The following RAB10 variants were observed in gnomAD, a reference collection of about 807,000 sequenced individuals.
RAB10 encodes ras-related protein Rab-10.
RAB10 carries 5 observed loss-of-function variants against 25.7 expected under a neutral mutation model. The observed-to-expected ratio is 0.19, with a 90% confidence interval of 0.10 to 0.41. RAB10 has a LOEUF of 0.41. Ranked by LOEUF, RAB10 falls within the 10% of genes least tolerant of loss-of-function variation. RAB10 has a pLI of 1.00. For missense variants in RAB10, 103 were observed against 245.8 expected (o/e 0.42, Z 3.89); for synonymous variants, 89 against 86.4 (o/e 1.03, Z -0.16).
chr2:26,120,017 A>T (rs1187882858), intron 3 of RAB10, among the ~76,000 whole-genome samples: 1 of 152,220 alleles, frequency 6.6e-6, no homozygotes, highest in Non-Finnish European at 1.5e-5. Flanking sequence ...CTTAACACTT[A>T]TAAATTTATA....
intron 1 of RAB10, among the ~76,000 whole-genome samples, chr2:26,060,802 T>TA (rs1449292723): frequency 6.6e-6 from 1 of 152,200 alleles, no homozygotes; most frequent in Non-Finnish European, 1.5e-5. Context: ...TATTTTCTTT[T>TA]AAAAAAGTAA....
At chr2:26,070,787 C>T (rs997491535) in intron 1 of RAB10, among the ~76,000 whole-genome samples, 4 of 152,078 alleles carry the variant, frequency 2.6e-5, no homozygotes, top group African/African-American at 7.2e-5. Context: ...AGAAGCATCC[C>T]ATTGTATGGC....
chr2:26,095,293 G>C (rs1260934299), intron 1 of RAB10, among the ~76,000 whole-genome samples: 1 of 152,038 alleles, frequency 6.6e-6, no homozygotes, highest in Non-Finnish European at 1.5e-5. Context: ...CTTTCATCGT[G>C]TTCTCAGTAT....
intron 1 of RAB10, among the ~76,000 whole-genome samples, chr2:26,093,584 T>A (rs900369698): frequency 6.6e-6 from 1 of 152,190 alleles, no homozygotes; most frequent in Non-Finnish European, 1.5e-5. Context: ...TTGTGTTTGT[T>A]CCACAGGAGC....
intron 1 of RAB10, among the ~76,000 whole-genome samples, chr2:26,095,018 C>T (rs1411018481): frequency 6.6e-6 from 1 of 152,118 alleles, no homozygotes; most frequent in African/African-American, 2.4e-5. Flanking sequence ...TTGTGGGAAT[C>T]CTGTAGGGTC....
chr2:26,108,875 C>CTT (rs1559595344), intron 2 of RAB10, among the ~76,000 whole-genome samples: 48 of 132,628 alleles, frequency 3.6e-4, no homozygotes, highest in Middle Eastern at 7.2e-3. Context: ...GGGTCTTTTG[C>CTT]TTTATATTTA....
intron 2 of RAB10, among the ~76,000 whole-genome samples, chr2:26,100,327 C>T (rs1667316711): frequency 6.6e-6 from 1 of 152,124 alleles, no homozygotes; most frequent in African/African-American, 2.4e-5. Flanking sequence ...CTCTCTTATC[C>T]TCTGCCATTA....
chr2:26,051,634 G>A (rs1574528317), intron 1 of RAB10, among the ~76,000 whole-genome samples: 1 of 150,958 alleles, frequency 6.6e-6, no homozygotes, highest in South Asian at 2.1e-4. Flanking sequence ...AGTGCCTGTA[G>A]TCCCAGCTAC....
At position 26,137,034 on chromosome 2, in the gene RAB10, C is replaced by A. The variant is rs1275810777; in HGVS notation, c.*2013C>A. 1.3e-5 allele frequency: 2 copies of A among 152,336 alleles called. No homozygotes were observed. Among genetic ancestry groups the A allele is most frequent in the Admixed American group, 6.6e-5 (1 of 15,242 alleles). 9.4% of individuals were successfully genotyped at this position (152,336 alleles called of 1,614,324 possible). A position where few individuals can be genotyped will look rare whatever the true frequency, so the allele number is the denominator to read the frequency against. On this transcript the variant is annotated 3_prime_UTR_variant, in exon 6 of 6. Transcript: ENST00000264710. ...GTGGCATTAGCTTTTTTATTTTAAC[C>A]CTCTTTAATTCTTATTCAATTCCAT...
intron 1 of RAB10, among the ~76,000 whole-genome samples, chr2:26,095,912 AAAAAC>A (rs1165881319): frequency 2.6e-5 from 4 of 152,194 alleles, no homozygotes; most frequent in African/African-American, 7.2e-5. Context: ...CCAGTCTCCA[AAAAAC>A]AAAACAGAAC....
intron 1 of RAB10, among the ~76,000 whole-genome samples, chr2:26,093,832 A>C (rs1667156992): frequency 6.6e-6 from 1 of 152,220 alleles, no homozygotes. Context: ...AATCTCAATA[A>C]AAGGACATCT....
intron 1 of RAB10, among the ~76,000 whole-genome samples, chr2:26,048,142 T>C (rs1666056666): frequency 6.6e-6 from 1 of 152,130 alleles, no homozygotes; most frequent in South Asian, 2.1e-4. Context: ...TTCTAGTTTT[T>C]AGCTAATATG....
Position 26,034,324 on chromosome 2 carries a change from C to A in RAB10, c.-285C>A. ...CGTGGGAGCGTCCCGGCCGAGAAGCCCTGAGGGGGGAGGGGAGGCCATTTT... is the reference window on the plus strand; with the variant it reads ...CGTGGGAGCGTCCCGGCCGAGAAGCACTGAGGGGGGAGGGGAGGCCATTTT... On this transcript the variant is annotated 5_prime_UTR_variant, in exon 1 of 6. Transcript: ENST00000264710. 1.8e-6 allele frequency: 1 copy of A among 564,694 alleles called. No individual in the cohort carries two copies. Among genetic ancestry groups the A allele is most frequent in the South Asian group, 2.4e-5 (1 of 41,142 alleles). 35.0% of individuals were successfully genotyped at this position (564,694 alleles called of 1,614,324 possible).
At chr2:26,087,913 C>G (rs1386721919) in intron 1 of RAB10, among the ~76,000 whole-genome samples, 3 of 152,098 alleles carry the variant, frequency 2.0e-5, no homozygotes, top group Non-Finnish European at 4.4e-5. Flanking sequence ...CATCTGCATA[C>G]AGATAAAGAA....
chr2:26,126,888 A>G (rs1667919203), intron 3 of RAB10, among the ~76,000 whole-genome samples: 1 of 152,246 alleles, frequency 6.6e-6, no homozygotes, highest in African/African-American at 2.4e-5. Flanking sequence ...AAGAAAGAAC[A>G]TACCTAGAAA....
chr2:26,128,579 G>A (rs1667949715), intron 5 of RAB10, among the ~76,000 whole-genome samples: 1 of 148,910 alleles, frequency 6.7e-6, no homozygotes, highest in Admixed American at 6.8e-5. Flanking sequence ...CGCTTAATGA[G>A]TACTTTGCAT....
At chr2:26,053,185 C>A (rs982842429) in intron 1 of RAB10, among the ~76,000 whole-genome samples, 1 of 152,088 alleles carries the variant, frequency 6.6e-6, no homozygotes, top group Admixed American at 6.6e-5. Context: ...AAACTTGTAA[C>A]ATTAGTAGAG....
intron 2 of RAB10, among the ~76,000 whole-genome samples, chr2:26,106,608 G>A (rs576199647): frequency 1.3e-5 from 2 of 152,276 alleles, no homozygotes; most frequent in East Asian, 3.9e-4. Context: ...TAAGGTGGCC[G>A]GGCACGGTGG....
intron 5 of RAB10, among the ~76,000 whole-genome samples, chr2:26,133,818 C>T (rs1280477987): frequency 2.0e-5 from 3 of 151,914 alleles, no homozygotes; most frequent in African/African-American, 4.8e-5. Context: ...GGATTACAGA[C>T]GTGCAACACC....
Sources: gnomAD v4.1 joint callset for allele counts (sites outside exome capture counted in the v4.1 genomes callset) on GRCh38, gnomAD v4.1.1 for gene constraint, MANE v1.5 for transcripts, NCBI Gene and HGNC (gene_info 2026-07-23, HGNC 2026-07-21) for gene names.